The following ANXA8 variants were observed in gnomAD, a reference collection of about 807,000 sequenced individuals.
ANXA8 encodes the protein annexin A8.
In ANXA8, 9 loss-of-function variants were observed where a neutral mutation model predicts 26.8. The observed-to-expected ratio is 0.34, with a 90% CI of 0.20 to 0.59. The LOEUF is 0.59. Ranked by LOEUF, ANXA8 falls within the 20% of genes least tolerant of loss-of-function variation. The pLI, the probability that ANXA8 is intolerant of heterozygous loss-of-function variation, is 0.84. For synonymous variants in ANXA8, 39 were observed against 94.8 expected, an observed-to-expected ratio of 0.41 and a Z score of 3.42; for missense variants, 83 against 238.5, an observed-to-expected ratio of 0.35 and a Z score of 4.29.
At chr10:47,989,646 T>G in the ANXA8 span, among the ~76,000 whole-genome samples, 8 of 90,964 alleles carry the variant, frequency 8.8e-5, no homozygotes, top group Non-Finnish European at 2.1e-4. Flanking sequence ...GACAGGCACA[T>G]TTTCACTGAA....
At chr10:47,652,868 T>C in the ANXA8 span, among the ~76,000 whole-genome samples, 2 of 149,874 alleles carry the variant, frequency 1.3e-5, no homozygotes, top group African/African-American at 5.1e-5. Context: ...TAGTGAGTGA[T>C]GTGTTTCAAT....
chr10:47,487,069 T>C, upstream of ANXA8: 3 of 608,700 alleles, frequency 4.9e-6, no homozygotes, highest in South Asian at 2.0e-5. Flanking sequence ...TTCAAGGTGA[T>C]AGACACCCCA....
rs1839471487 is a variant in ANXA8, at chr10:47,475,036, G to A, written c.493-32C>T. ...ACAGAGGAGGTGGCTCTGTAAGGCAGGCCAGCTGACCAGAGCATTAAGGGC... is the reference window on the plus strand; with the variant it reads ...ACAGAGGAGGTGGCTCTGTAAGGCAAGCCAGCTGACCAGAGCATTAAGGGC... On this transcript the variant is annotated intron_variant, in intron 6 of 11. Transcript: ENST00000585281. The A allele has an allele frequency of 2.0e-6, 3 of 1,533,530 alleles. 1 individual carries two copies. The highest frequency in any genetic ancestry group is 2.7e-6 in the Non-Finnish European group (3 of 1,131,700). 95.0% of individuals were successfully genotyped at this position (1,533,530 alleles called of 1,614,324 possible).
chr10:47,639,235 C>G, the ANXA8 span, among the ~76,000 whole-genome samples: 2 of 148,448 alleles, frequency 1.3e-5, no homozygotes, highest in Admixed American at 1.3e-4. Context: ...CGGGTTCACA[C>G]CATTCTCCTG....
chr10:47,888,982 ATGTGTG>A, the ANXA8 span, among the ~76,000 whole-genome samples: 3,329 of 102,148 alleles, frequency 0.033, 382 homozygotes, highest in Non-Finnish European at 0.041. Flanking sequence ...TATAATATAT[ATGTGTG>A]TGTGTGTGTG....
chr10:47,668,025 A>G, the ANXA8 span, among the ~76,000 whole-genome samples: 2 of 151,904 alleles, frequency 1.3e-5, no homozygotes, highest in African/African-American at 4.9e-5. Flanking sequence ...GGCGTGAGCC[A>G]CCGTGCCTGG....
At chr10:47,546,768 G>T in the ANXA8 span, among the ~76,000 whole-genome samples, 1 of 140,864 alleles carries the variant, frequency 7.1e-6, no homozygotes, top group African/African-American at 2.6e-5. Flanking sequence ...CTGATTCCTG[G>T]AAACTTGTAA....
chr10:47,970,529 G>T, the ANXA8 span: 2 of 151,302 alleles, frequency 1.3e-5, no homozygotes, highest in African/African-American at 4.8e-5. Context: ...ATCCAAGTCA[G>T]TAAGTGCACT....
chr10:47,474,945 C>A lies in ANXA8; in HGVS notation c.552G>T (p.Gln184His). The change falls in exon 7 of 12, where the codon CAG (glutamine) becomes CAT (histidine). Residue 184 changes from glutamine to histidine, a missense_variant and splice_region_variant. Gln to His is a conservative substitution (Grantham distance 24). This residue lies in a region of ANXA8 where 24 missense variants were observed against 30.6 expected (regional missense o/e 0.78). Transcript: ENST00000585281. ...CATGGCCGGCTGGGCGCAGCCTCAC[C>A]TGTGCGTCTTGGAGGGCCAGTCCTG... Reference protein sequence around the residue: ...VDPGLALQDAQDLYAAGEKIR... With the variant: ...VDPGLALQDAHDLYAAGEKIR... The A allele has an allele frequency of 2.0e-6, 3 of 1,533,212 alleles. 1 individual carries two copies. The allele number at this position is 1,533,212 out of a possible 1,614,324, so 95.0% of individuals were successfully genotyped here.
chr10:47,969,170 C>T, the ANXA8 span, among the ~76,000 whole-genome samples: 2 of 151,132 alleles, frequency 1.3e-5, no homozygotes, highest in African/African-American at 4.9e-5. Context: ...GTGAGAAAGG[C>T]AGCTGGTCCT....
chr10:47,630,643 ACATTTGG>A, the ANXA8 span, among the ~76,000 whole-genome samples: 2 of 144,592 alleles, frequency 1.4e-5, 1 homozygote, highest in African/African-American at 5.6e-5. Flanking sequence ...TTAATCAAAC[ACATTTGG>A]CATTTTCAAT....
the ANXA8 span, among the ~76,000 whole-genome samples, chr10:47,669,437 G>A: frequency 6.6e-6 from 1 of 151,068 alleles, no homozygotes; most frequent in African/African-American, 2.5e-5. Context: ...ACCTGATGAG[G>A]GCCAGGCGTG....
At chr10:47,502,377 C>G in the ANXA8 span, 4 of 1,609,398 alleles carry the variant, frequency 2.5e-6, no homozygotes, top group Admixed American at 6.7e-5. Flanking sequence ...CCAGGGACAG[C>G]TCAGTGCAGG....
At chr10:47,743,313 CACATAT>C in the ANXA8 span, among the ~76,000 whole-genome samples, 10 of 27,532 alleles carry the variant, frequency 3.6e-4, 1 homozygote, top group South Asian at 1.7e-3. Flanking sequence ...TATATATATA[CACATAT>C]ATATATATAC....
At chr10:47,574,241 G>A in the ANXA8 span, among the ~76,000 whole-genome samples, 137 of 60,848 alleles carry the variant, frequency 2.3e-3, no homozygotes, top group African/African-American at 7.1e-3. Context: ...TCAGCCTCCC[G>A]AGTAGCTGGG....
At chr10:47,585,518 G>C in the ANXA8 span, among the ~76,000 whole-genome samples, 1 of 141,374 alleles carries the variant, frequency 7.1e-6, no homozygotes, top group East Asian at 2.0e-4. Context: ...AAGCACTTGG[G>C]ACCATACCTG....
the ANXA8 span, among the ~76,000 whole-genome samples, chr10:47,924,645 A>G: frequency 6.6e-6 from 1 of 151,856 alleles, no homozygotes; most frequent in African/African-American, 2.4e-5. Context: ...CTCACCCCTG[A>G]CCAAGAACCG....
chr10:47,558,671 C>A, the ANXA8 span, among the ~76,000 whole-genome samples: 2 of 151,750 alleles, frequency 1.3e-5, no homozygotes, highest in Non-Finnish European at 2.9e-5. Flanking sequence ...CAGGCATGAG[C>A]CACCATGCCT....
At chr10:47,631,436 T>C in the ANXA8 span, among the ~76,000 whole-genome samples, 1 of 151,160 alleles carries the variant, frequency 6.6e-6, no homozygotes, top group East Asian at 1.9e-4. Flanking sequence ...AGGCCTTATA[T>C]GTACACCTGG....
Sources: allele counts gnomAD v4.1 joint callset (sites outside exome capture counted in the v4.1 genomes callset), GRCh38; gene constraint gnomAD v4.1.1; regional missense constraint gnomAD v4.1.1; transcripts MANE v1.5; gene names NCBI Gene and HGNC (gene_info 2026-07-23, HGNC 2026-07-21).